The following NCAM1 variants were observed in gnomAD, a reference collection of about 807,000 sequenced individuals.
NCAM1 encodes the protein antigen recognized by monoclonal antibody 5.1H11.
A neutral mutation model predicts 109.8 loss-of-function variants in NCAM1; 14 were observed. The observed-to-expected ratio is 0.13, with a 90% CI of 0.08 to 0.20. NCAM1 has a LOEUF of 0.20. Ranked by LOEUF, NCAM1 falls within the 10% of genes least tolerant of loss-of-function variation. The pLI, the probability that NCAM1 is intolerant of heterozygous loss-of-function variation, is 1.00. For missense variants in NCAM1, 774 were observed against 1,109.9 expected (o/e 0.70, Z 4.30); for synonymous variants, 418 against 442.9 (o/e 0.94, Z 0.70).
intron 1 of NCAM1, among the ~76,000 whole-genome samples, chr11:112,971,237 T>A (rs1480065071): frequency 6.6e-6 from 1 of 151,992 alleles, no homozygotes; most frequent in Non-Finnish European, 1.5e-5. Flanking sequence ...TCTCTCTCTC[T>A]CTCTCTCTGT....
intron 1 of NCAM1, among the ~76,000 whole-genome samples, chr11:113,059,828 A>G (rs114555486): frequency 0.01 from 1,536 of 152,266 alleles, 25 homozygotes; most frequent in African/African-American, 0.035. Context: ...CCTCCCAATG[A>G]ATGGAGAAAA....
At chr11:112,976,023 G>A (rs1555067635) in intron 1 of NCAM1, among the ~76,000 whole-genome samples, 1 of 151,842 alleles carries the variant, frequency 6.6e-6, no homozygotes, top group African/African-American at 2.4e-5. Context: ...TGAAGTCACT[G>A]GGAGGTAAAT....
chr11:113,229,525 C>T (rs1310883302), intron 9 of NCAM1, among the ~76,000 whole-genome samples: 6 of 152,102 alleles, frequency 3.9e-5, no homozygotes, highest in South Asian at 2.1e-4. Context: ...GTCAGTGTGG[C>T]GATTCCTCAG....
chr11:113,159,011 A>C (rs185777936), intron 1 of NCAM1, among the ~76,000 whole-genome samples: 8 of 152,324 alleles, frequency 5.3e-5, no homozygotes, highest in African/African-American at 1.9e-4. Flanking sequence ...AGTGCTACCA[A>C]GTAAAACGTA....
intron 1 of NCAM1, among the ~76,000 whole-genome samples, chr11:113,051,411 T>C (rs940990409): frequency 5.3e-5 from 8 of 152,332 alleles, no homozygotes; most frequent in Non-Finnish European, 7.4e-5. Flanking sequence ...AAGTCTCTCT[T>C]AATTCTAACT....
intron 8 of NCAM1, among the ~76,000 whole-genome samples, chr11:113,220,777 T>G (rs1944670711): frequency 6.6e-6 from 1 of 151,770 alleles, no homozygotes; most frequent in South Asian, 2.1e-4. Context: ...CAGCTAATTT[T>G]GTGTATTTTT....
chr11:112,990,155 T>C (rs1448774296), intron 1 of NCAM1, among the ~76,000 whole-genome samples: 1 of 152,138 alleles, frequency 6.6e-6, no homozygotes, highest in Admixed American at 6.6e-5. Context: ...ACAAGGCTAG[T>C]TCTGGGATGA....
In NCAM1 at chr11:113,271,816, C is replaced by T; in HGVS notation, c.2396C>T (p.Pro799Leu). 1 of 1,572,844 alleles carries T rather than the reference C, an allele frequency of 6.4e-7. No individual in the cohort carries two copies. The highest frequency in any genetic ancestry group is 8.6e-7 in the Non-Finnish European group (1 of 1,159,410). The change falls in exon 19 of 20, where the codon CCA becomes CTA. Residue 799 changes from proline to leucine, a missense_variant. By Grantham distance (98) the Pro-to-Leu change is moderately conservative. Coordinates refer to ENST00000316851, the MANE Select transcript of NCAM1 (RefSeq NM_181351.5). Reference sequence around the variant, plus strand: ...GTTCGAACGGAGGAGGAGAGGACCCCAAACCATGATGGAGGGAAACACACA... The same window carrying T: ...GTTCGAACGGAGGAGGAGAGGACCCTAAACCATGATGGAGGGAAACACACA... ...VEVRTEEERTPNHDGGKHTEP... is the reference protein window; with the variant it reads ...VEVRTEEERTLNHDGGKHTEP...
rs529768689 is a variant in NCAM1 at position 113,011,005 on chromosome 11, A to G, written c.52+49341A>G. Among the ~76,000 whole-genome samples the G allele has an allele frequency of 1.9e-3, 281 of 151,730 alleles. 1 individual carries two copies. Among genetic ancestry groups the G allele is most frequent in the African/African-American group, 6.6e-3 (274 of 41,324 alleles). ...ACTTTAAGTTTTAGGGTACATGTGCACATTGTGCAGGTTAGTTACATATGT... is the reference window on the plus strand; with the variant it reads ...ACTTTAAGTTTTAGGGTACATGTGCGCATTGTGCAGGTTAGTTACATATGT... On this transcript the variant is annotated intron_variant, in intron 1 of 19. Coordinates refer to ENST00000316851, the MANE Select transcript of NCAM1 (RefSeq NM_181351.5).
At chr11:112,974,552 G>T (rs1195847586) in intron 1 of NCAM1, among the ~76,000 whole-genome samples, 1 of 151,938 alleles carries the variant, frequency 6.6e-6, no homozygotes, top group African/African-American at 2.4e-5. Context: ...TTTGCAGCAG[G>T]CACGGTATAA....
intron 1 of NCAM1, among the ~76,000 whole-genome samples, chr11:113,104,211 G>T (rs1349433150): frequency 7.7e-6 from 1 of 130,564 alleles, no homozygotes; most frequent in Admixed American, 7.6e-5. Flanking sequence ...GTGGGGTGGG[G>T]GGGGGGGCGG....
At chr11:113,091,981 C>T (rs1272174452) in intron 1 of NCAM1, among the ~76,000 whole-genome samples, 1 of 151,856 alleles carries the variant, frequency 6.6e-6, no homozygotes, top group Non-Finnish European at 1.5e-5. Flanking sequence ...GAGTTCTACT[C>T]GAGTTCTGAT....
intron 1 of NCAM1, among the ~76,000 whole-genome samples, chr11:113,172,353 A>G (rs556854597): frequency 1.1e-4 from 16 of 152,220 alleles, no homozygotes; most frequent in African/African-American, 3.9e-4. Flanking sequence ...CATCCCCTCT[A>G]CATTCCAAAT....
chr11:113,240,612 C>G (rs1434736338), intron 14 of NCAM1: 9 of 652,736 alleles, frequency 1.4e-5, no homozygotes, highest in Admixed American at 5.0e-5. Flanking sequence ...AGAGAGAGCC[C>G]TGCTCCTCGC....
intron 1 of NCAM1, among the ~76,000 whole-genome samples, chr11:113,045,844 GT>G (rs199508588): frequency 5.2e-4 from 75 of 143,732 alleles, no homozygotes; most frequent in Middle Eastern, 7.2e-3. Context: ...GGATAAAAGA[GT>G]TTTTTTTTTT....
rs542711696 is a variant in NCAM1, at chr11:113,250,659, T to C, written c.1828+4289T>C. On this transcript the variant is annotated intron_variant, in intron 15 of 19. Transcript: ENST00000316851. Reference sequence around the variant, plus strand: ...GTATTTTTAAAACTAGACAGTCTTATTTGATAGGAAAAGTAAAAGATTGTA... The same window carrying C: ...GTATTTTTAAAACTAGACAGTCTTACTTGATAGGAAAAGTAAAAGATTGTA... 2.6e-5 allele frequency among the ~76,000 whole-genome samples: 4 copies of C among 152,352 alleles called. No individual in the cohort carries two copies. In the South Asian group the frequency reaches 6.2e-4, roughly 24 times the overall value.
chr11:113,088,655 T>C (rs1939198587), intron 1 of NCAM1, among the ~76,000 whole-genome samples: 1 of 152,234 alleles, frequency 6.6e-6, no homozygotes, highest in African/African-American at 2.4e-5. Context: ...GGCAGTGATA[T>C]GATGCGAGTA....
chr11:113,135,154 C>T (rs547529864), intron 1 of NCAM1, among the ~76,000 whole-genome samples: 36 of 152,236 alleles, frequency 2.4e-4, no homozygotes, highest in East Asian at 3.9e-4. Flanking sequence ...ATTTTGGTAA[C>T]GCTGGAGCTT....
At chr11:113,166,960 C>T (rs1942822347) in intron 1 of NCAM1, among the ~76,000 whole-genome samples, 1 of 152,206 alleles carries the variant, frequency 6.6e-6, no homozygotes, top group Non-Finnish European at 1.5e-5. Context: ...CTCGTTCACT[C>T]CTTCATTAAG....
Sources: gnomAD v4.1 joint callset for allele counts (sites outside exome capture counted in the v4.1 genomes callset) on GRCh38, gnomAD v4.1.1 for gene constraint, MANE v1.5 for transcripts, NCBI Gene and HGNC (gene_info 2026-07-23, HGNC 2026-07-21) for gene names.